Variants in EDA observed in about 807,000 individuals in gnomAD.
EDA encodes the protein ectodysplasin A.
Under a neutral mutation model 23.6 loss-of-function variants are expected in EDA, and 2 were observed. The observed-to-expected ratio is 0.08, with a 90% confidence interval of 0.03 to 0.27. The LOEUF (loss-of-function observed/expected upper bound fraction) is 0.27, where lower values mean the gene tolerates loss of function less well. Ranked by LOEUF, EDA falls within the 10% of genes least tolerant of loss-of-function variation. The pLI, the probability that EDA is intolerant of heterozygous loss-of-function variation, is 1.00. For synonymous variants in EDA, 131 were observed against 132.0 expected (o/e 0.99, Z 0.05); for missense variants, 229 against 324.2 (o/e 0.71, Z 2.26).
intron 1 of EDA, among the ~76,000 whole-genome samples, chrX:69,856,254 G>GGTGGGTGTGTGTGTGT (rs1384466036): frequency 1.3e-5 from 1 of 74,952 alleles, no homozygotes; most frequent in African/African-American, 5.0e-5. Flanking sequence ...AGTATTCCAT[G>GGTGGGTGTGTGTGTGT]GTGTGTGTGT....
At chrX:69,661,799 C>G (rs111597424) in intron 1 of EDA, among the ~76,000 whole-genome samples, 1,813 of 111,375 alleles carry the variant, frequency 0.016, 44 homozygotes, top group African/African-American at 0.056. Flanking sequence ...CAGCTTTGTT[C>G]TTTTGGCTTA....
chrX:69,703,564 C>T (rs190410872), intron 1 of EDA, among the ~76,000 whole-genome samples: 156 of 112,465 alleles, frequency 1.4e-3, no homozygotes, highest in African/African-American at 5.0e-3. Context: ...CCTAAAATGG[C>T]GTCAGCACCA....
chrX:69,690,450 C>A (rs1247032955), intron 1 of EDA, among the ~76,000 whole-genome samples: 1 of 111,165 alleles, frequency 9.0e-6, no homozygotes, highest in East Asian at 2.8e-4. Flanking sequence ...AATTGATTTT[C>A]TGATATTAAT....
At position 69,942,496 on chromosome X, in the gene EDA, G is replaced by A. The variant is rs1417170582; in HGVS notation, c.397-14531G>A. Among the ~76,000 whole-genome samples, 4 of 109,990 alleles carry A rather than the reference G, an allele frequency of 3.6e-5. No homozygotes were observed. The East Asian group carries it at 1.1e-3, about 31-fold the overall frequency. On this transcript the variant is annotated intron_variant, in intron 1 of 7. Coordinates refer to ENST00000374552, the MANE Select transcript of EDA (RefSeq NM_001399.5). ...GTAAAAGGTGTTTTTTTTTCCTTCA[G>A]CACTTTAAATATGTCATGCCACTCT... is the stretch of plus-strand genomic sequence containing the variant.
intron 1 of EDA, among the ~76,000 whole-genome samples, chrX:69,736,274 C>T (rs971785809): frequency 5.4e-5 from 6 of 110,984 alleles, no homozygotes; most frequent in South Asian, 3.9e-4. Flanking sequence ...CATTGCACTC[C>T]GGCCTGGGCA....
intron 1 of EDA, among the ~76,000 whole-genome samples, chrX:69,829,854 G>A (rs997710640): frequency 9.0e-6 from 1 of 111,567 alleles, no homozygotes; most frequent in Non-Finnish European, 1.9e-5. Flanking sequence ...TTATATGTGG[G>A]TGCTATATTA....
At chrX:69,640,841 G>A (rs764254185) in intron 1 of EDA, among the ~76,000 whole-genome samples, 10 of 111,472 alleles carry the variant, frequency 9.0e-5, no homozygotes, top group Non-Finnish European at 1.9e-4. Context: ...CATGGGCCAA[G>A]TGTCAACCAT....
At chrX:70,028,553 T>C (rs2020152525) in intron 4 of EDA, among the ~76,000 whole-genome samples, 1 of 112,565 alleles carries the variant, frequency 8.9e-6, no homozygotes, top group African/African-American at 3.2e-5. Context: ...TAGTCACTAA[T>C]GGTCAAGAAG....
intron 1 of EDA, among the ~76,000 whole-genome samples, chrX:69,757,228 T>C (rs1198006283): frequency 1.8e-5 from 2 of 111,073 alleles, no homozygotes; most frequent in Non-Finnish European, 3.8e-5. Context: ...TCCTAGTAGA[T>C]GCTGTTGGAC....
intron 1 of EDA, among the ~76,000 whole-genome samples, chrX:69,729,619 C>T (rs1424128236): frequency 1.8e-5 from 2 of 111,759 alleles, no homozygotes; most frequent in African/African-American, 3.3e-5. Flanking sequence ...TAAGTCAAAT[C>T]GTGTCCCTCT....
In EDA at chrX:70,035,454, A is replaced by G; in HGVS notation, c.1021A>G (p.Thr341Ala). The G allele has an allele frequency of 8.3e-7, 1 of 1,210,792 alleles. No individual in the cohort carries two copies. The highest frequency in any genetic ancestry group is 1.1e-6 in the Non-Finnish European group (1 of 895,298). Residue 341 changes from threonine (T) to alanine (A), a missense_variant, in exon 8 of 8, where the codon ACC becomes GCC. By Grantham distance (58) the Thr-to-Ala change is moderately conservative (BLOSUM62 0). Transcript: ENST00000374552. Reference protein sequence around the residue: ...QCTRSIETGKTNYNTCYTAGV... With the variant: ...QCTRSIETGKANYNTCYTAGV... ...CACACGCAGCATCGAGACGGGCAAG[A>G]CCAACTACAACACTTGCTATACCGC... is the stretch of plus-strand genomic sequence containing the variant.
intron 1 of EDA, among the ~76,000 whole-genome samples, chrX:69,820,525 A>C (rs1406552770): frequency 8.9e-6 from 1 of 112,068 alleles, no homozygotes; most frequent in Non-Finnish European, 1.9e-5. Context: ...CAGCATCTAT[A>C]AGGAATTTAA....
chrX:70,019,773 C>CA (rs1195052965), intron 2 of EDA, among the ~76,000 whole-genome samples: 1 of 111,211 alleles, frequency 9.0e-6, no homozygotes, highest in African/African-American at 3.3e-5. Flanking sequence ...GGGTGAAGAT[C>CA]AAAAAACTAC....
intron 1 of EDA, among the ~76,000 whole-genome samples, chrX:69,802,941 G>A (rs1416476426): frequency 8.9e-6 from 1 of 111,771 alleles, no homozygotes; most frequent in Non-Finnish European, 1.9e-5. Context: ...ACAGACAGGT[G>A]CTAGGCCTAC....
rs2020248940 is a variant in EDA, at chrX:70,035,233, C to T, written c.925-125C>T. The T allele has an allele frequency of 3.7e-6, 3 of 807,700 alleles. No homozygotes were observed. The African/African-American group carries it at 6.1e-5, about 16-fold the overall frequency. The allele number at this position is 807,700 out of a possible 1,213,427, so 66.6% of individuals were successfully genotyped here. On this transcript the variant is annotated intron_variant, in intron 7 of 7. Coordinates refer to ENST00000374552, the MANE Select transcript of EDA (RefSeq NM_001399.5). ...GGCCAGCTAGCACGCCTTCACATGG[C>T]ACTGCCCCATCCATGGGGTATACTA...
intron 1 of EDA, 36 bp from the exon 2 acceptor site, chrX:69,956,991 G>T: frequency 8.6e-7 from 1 of 1,162,735 alleles, no homozygotes. Context: ...ACTGAGTGGG[G>T]TCAACCTTTG....
At chrX:69,810,712 C>T (rs1015972305) in intron 1 of EDA, among the ~76,000 whole-genome samples, 6 of 104,325 alleles carry the variant, frequency 5.8e-5, no homozygotes, top group Admixed American at 2.1e-4. Flanking sequence ...GTCGAGATCA[C>T]GCCATTGCAC....
At chrX:69,830,063 CT>C (rs201106553) in intron 1 of EDA, among the ~76,000 whole-genome samples, 8,344 of 110,835 alleles carry the variant, frequency 0.075, 253 homozygotes, top group Middle Eastern at 0.096. Flanking sequence ...TTCCATTAGT[CT>C]TCCGGCTCCT....
At chrX:69,750,028 A>C (rs1305361554) in intron 1 of EDA, among the ~76,000 whole-genome samples, 1 of 84,271 alleles carries the variant, frequency 1.2e-5, no homozygotes, top group Non-Finnish European at 2.3e-5. Flanking sequence ...TCTTTTTTTT[A>C]TGATTATACT....
Sources: allele counts gnomAD v4.1 joint callset (sites outside exome capture counted in the v4.1 genomes callset), GRCh38; gene constraint gnomAD v4.1.1; transcripts MANE v1.5; gene names NCBI Gene and HGNC (gene_info 2026-07-23, HGNC 2026-07-21).